Variants in C16orf87 observed in about 807,000 individuals in gnomAD.
C16orf87 encodes HDAC and MIER1 interacting protein 1, also known as UPF0547 protein C16orf87.
In C16orf87, 13 loss-of-function variants were observed where a neutral mutation model predicts 21.0. The observed-to-expected ratio is 0.62, with a 90% CI of 0.40 to 0.98. C16orf87 has a LOEUF of 0.98. C16orf87 is among the 50% of genes least tolerant of loss of function. The pLI is 0.00. For synonymous variants in C16orf87, 49 were observed against 60.2 expected, an observed-to-expected ratio of 0.81 and a Z score of 0.86; for missense variants, 113 against 180.4, an observed-to-expected ratio of 0.63 and a Z score of 2.14.
chr16:46,829,337 G>A (rs987417183), intron 1 of C16orf87, among the ~76,000 whole-genome samples: 2 of 152,206 alleles, frequency 1.3e-5, no homozygotes, highest in Admixed American at 1.3e-4. Flanking sequence ...CAAAATGAAT[G>A]TGATCTTTCC....
intron 3 of C16orf87, among the ~76,000 whole-genome samples, chr16:46,806,923 T>C (rs1440237798): frequency 3.3e-5 from 5 of 152,228 alleles, no homozygotes; most frequent in African/African-American, 7.2e-5. Context: ...AGTTAAAGCT[T>C]GCTTCAAAAT....
At chr16:46,810,668 A>G (rs1968053724) in intron 2 of C16orf87, among the ~76,000 whole-genome samples, 1 of 152,166 alleles carries the variant, frequency 6.6e-6, no homozygotes, top group African/African-American at 2.4e-5. Flanking sequence ...AGACTGCTGT[A>G]AAAAAATTAA....
In C16orf87 at chr16:46,801,943, A is replaced by T. The variant is rs1259821097; in HGVS notation, c.*1009T>A. On this transcript the variant is annotated 3_prime_UTR_variant, in exon 4 of 4. Coordinates refer to ENST00000285697, the MANE Select transcript of C16orf87 (RefSeq NM_001001436.4). Reference sequence around the variant, plus strand: ...ATGCAAAAGCATTTAATATAAATCAACTATAAACGATTATGACTTAACACT... The same window carrying T: ...ATGCAAAAGCATTTAATATAAATCATCTATAAACGATTATGACTTAACACT... 2 of 152,238 alleles carry T rather than the reference A, an allele frequency of 1.3e-5. No homozygotes were observed. The highest frequency in any genetic ancestry group is 2.9e-5 in the Non-Finnish European group (2 of 68,034). The allele number at this position is 152,238 out of a possible 1,614,324, so 9.4% of individuals were successfully genotyped here. A position where few individuals can be genotyped will look rare whatever the true frequency, so the allele number is the denominator to read the frequency against.
At chr16:46,817,544 T>C (rs980327392) in intron 2 of C16orf87, among the ~76,000 whole-genome samples, 3 of 151,700 alleles carry the variant, frequency 2.0e-5, no homozygotes, top group Admixed American at 2.0e-4. Context: ...AAAAATTAGC[T>C]GGGCATGGTG....
chr16:46,811,586 TAA>T (rs145976417), intron 2 of C16orf87, among the ~76,000 whole-genome samples: 6 of 143,794 alleles, frequency 4.2e-5, no homozygotes, highest in Admixed American at 7.0e-5. Flanking sequence ...AGTAGTCTTG[TAA>T]AAAAAAAAAA....
chr16:46,805,821 G>A (rs1967913912), intron 3 of C16orf87, among the ~76,000 whole-genome samples: 2 of 152,122 alleles, frequency 1.3e-5, no homozygotes, highest in African/African-American at 4.8e-5. Flanking sequence ...TGGGTCCTTC[G>A]GATTCTCTAG....
At chr16:46,830,910 T>G (rs547352002) in intron 1 of C16orf87, 174 bp downstream of exon 1, 11 of 404,070 alleles carry the variant, frequency 2.7e-5, no homozygotes, top group South Asian at 2.1e-4. Context: ...GGCCCCGGGC[T>G]TTTCCCGGGA....
chr16:46,811,050 T>C (rs1968066116), intron 2 of C16orf87, among the ~76,000 whole-genome samples: 1 of 152,248 alleles, frequency 6.6e-6, no homozygotes, highest in African/African-American at 2.4e-5. Flanking sequence ...CTATTTAAAC[T>C]GTGCTACTCA....
intron 2 of C16orf87, among the ~76,000 whole-genome samples, chr16:46,817,538 A>G (rs1437198427): frequency 6.6e-6 from 1 of 152,102 alleles, no homozygotes. Flanking sequence ...AAATAAAAAA[A>G]TTAGCTGGGC....
chr16:46,828,829 G>A (rs1158640812), intron 1 of C16orf87, among the ~76,000 whole-genome samples: 1 of 152,118 alleles, frequency 6.6e-6, no homozygotes, highest in South Asian at 2.1e-4. Context: ...ATAACTAAAA[G>A]AAGCTAGTAC....
chr16:46,810,872 G>A (rs1023918531), intron 2 of C16orf87, among the ~76,000 whole-genome samples: 3 of 152,110 alleles, frequency 2.0e-5, no homozygotes, highest in Non-Finnish European at 2.9e-5. Flanking sequence ...GACAATTTGA[G>A]CATCAATAAA....
chr16:46,831,155 TCTCC>T lies in C16orf87; in HGVS notation c.-10_-7del. The T allele has an allele frequency of 3.2e-6, 5 of 1,567,502 alleles. No homozygotes were observed. Among genetic ancestry groups the T allele is most frequent in the Non-Finnish European group, 4.3e-6 (5 of 1,154,162 alleles). The stretch of plus-strand genomic sequence containing the variant: ...TTGGCTCGAGTTGCAGACATGCTCC[TCTCC>T]CTTAGCGGCGGCAGCAGCGACGGCT... On this transcript the variant is annotated 5_prime_UTR_variant, in exon 1 of 4. Transcript: ENST00000285697.
At chr16:46,806,235 T>G (rs1487316562) in intron 3 of C16orf87, among the ~76,000 whole-genome samples, 4 of 152,042 alleles carry the variant, frequency 2.6e-5, no homozygotes, top group Non-Finnish European at 5.9e-5. Context: ...TCCACAATCT[T>G]CAGCTTGAAG....
At chr16:46,828,632 T>G (rs1959721356) in intron 1 of C16orf87, among the ~76,000 whole-genome samples, 1 of 152,354 alleles carries the variant, frequency 6.6e-6, no homozygotes, top group East Asian at 1.9e-4. Context: ...TCTGTACCCA[T>G]TTTTCAAACT....
intron 3 of C16orf87, among the ~76,000 whole-genome samples, chr16:46,805,416 T>G (rs1596804862): frequency 6.6e-6 from 1 of 152,198 alleles, no homozygotes; most frequent in South Asian, 2.1e-4. Context: ...TTTTTTGGAA[T>G]ATTTTAAAGT....
intron 1 of C16orf87, among the ~76,000 whole-genome samples, chr16:46,826,024 T>G (rs976509255): frequency 5.9e-5 from 9 of 152,082 alleles, no homozygotes; most frequent in African/African-American, 2.2e-4. Context: ...AAAAGTATGC[T>G]GACATAAAAA....
intron 3 of C16orf87, chr16:46,807,889 C>A: frequency 3.0e-6 from 1 of 337,782 alleles, no homozygotes; most frequent in Non-Finnish European, 5.9e-6. Flanking sequence ...TGCATATATA[C>A]AGTTCTACCA....
chr16:46,827,867 G>A (rs1959677393), intron 1 of C16orf87, among the ~76,000 whole-genome samples: 1 of 150,196 alleles, frequency 6.7e-6, no homozygotes, highest in South Asian at 2.1e-4. Flanking sequence ...ACAGGTGTGA[G>A]CCACCATGCC....
chr16:46,827,190 C>G (rs1335294085), intron 1 of C16orf87, among the ~76,000 whole-genome samples: 1 of 152,092 alleles, frequency 6.6e-6, no homozygotes, highest in Non-Finnish European at 1.5e-5. Flanking sequence ...TTAATTCATT[C>G]TATAGTCCTA....
Sources: gnomAD v4.1 joint callset for allele counts (sites outside exome capture counted in the v4.1 genomes callset) on GRCh38, gnomAD v4.1.1 for gene constraint, MANE v1.5 for transcripts, NCBI Gene and HGNC (gene_info 2026-07-23, HGNC 2026-07-21) for gene names.